MOXD1: variants seen among roughly 807,000 people sequenced by gnomAD.
The protein encoded by MOXD1 is DBH-like monooxygenase protein 1.
A neutral mutation model predicts 66.6 loss-of-function variants in MOXD1; 62 were observed. The observed-to-expected ratio is 0.93, with a 90% CI of 0.76 to 1.15. MOXD1 has a LOEUF of 1.15. Ranked by LOEUF, MOXD1 falls within the 50% of genes most tolerant of loss-of-function variation. MOXD1 has a pLI of 0.00. For missense variants in MOXD1, 847 were observed against 754.6 expected (o/e 1.12, Z -1.44); for synonymous variants, 303 against 281.9 (o/e 1.07, Z -0.75).
rs150516086 is a variant in MOXD1, at chr6:132,324,018, G to A, written c.1026C>T (p.Gly342=). Residue 342 remains glycine (G), a synonymous_variant, in exon 7 of 12, where the codon GGC becomes GGT. Coordinates refer to ENST00000367963, the MANE Select transcript of MOXD1 (RefSeq NM_015529.4). ...TGGTATGGAAGAGGCTCACCCAGAG[G>A]CCAGCCTCAATCACCCCAGCATCAT... ...RKYDAGVIEA[G]LWVSLFHTIP... 2 of 1,613,762 alleles carry A rather than the reference G, an allele frequency of 1.2e-6. No individual in the cohort carries two copies. The highest frequency in any genetic ancestry group is 1.3e-5 in the African/African-American group (1 of 74,860).
At chr6:132,354,752 T>A (rs988292346) in intron 4 of MOXD1, among the ~76,000 whole-genome samples, 2 of 151,658 alleles carry the variant, frequency 1.3e-5, no homozygotes, top group African/African-American at 4.8e-5. Flanking sequence ...GCTACCAGGG[T>A]GGGTAGGGAA....
chr6:132,357,009 G>A (rs574768641), intron 4 of MOXD1, among the ~76,000 whole-genome samples: 20 of 151,738 alleles, frequency 1.3e-4, no homozygotes, highest in Admixed American at 1.0e-3. Context: ...ACAAATACAC[G>A]TTAGAAAATA....
chr6:132,369,100 A>G (rs9375877), intron 4 of MOXD1, among the ~76,000 whole-genome samples: 42,344 of 151,918 alleles, frequency 0.28, 6,980 homozygotes, highest in East Asian at 0.67. Context: ...GAGCATAATG[A>G]ATAACGTAGG....
intron 1 of MOXD1, among the ~76,000 whole-genome samples, chr6:132,387,413 T>C (rs1776673417): frequency 6.6e-6 from 1 of 151,336 alleles, no homozygotes; most frequent in Non-Finnish European, 1.5e-5. Context: ...AGAATATCGC[T>C]ATCTTTTAAG....
At chr6:132,384,837 C>T (rs1406789561) in intron 1 of MOXD1, among the ~76,000 whole-genome samples, 1 of 152,134 alleles carries the variant, frequency 6.6e-6, no homozygotes, top group African/African-American at 2.4e-5. Context: ...ACTTACATGC[C>T]ATTGTAGGGA....
At chr6:132,302,995 A>C (rs530083068) in intron 10 of MOXD1, among the ~76,000 whole-genome samples, 1 of 152,256 alleles carries the variant, frequency 6.6e-6, no homozygotes, top group African/African-American at 2.4e-5. Flanking sequence ...ATCTATATGA[A>C]AAACAAAGAA....
intron 4 of MOXD1, among the ~76,000 whole-genome samples, chr6:132,352,012 T>G (rs1450210059): frequency 6.6e-6 from 1 of 152,198 alleles, no homozygotes; most frequent in Non-Finnish European, 1.5e-5. Context: ...TATTTGGATT[T>G]TCTCTCTTCT....
rs1305596903 is a variant in MOXD1, at chr6:132,328,595, C to A, written c.664-1G>T. The A allele has an allele frequency of 2.5e-6, 4 of 1,612,940 alleles. No individual in the cohort carries two copies. The highest frequency in any genetic ancestry group is 2.7e-5 in the African/African-American group (2 of 74,884). On this transcript the variant is annotated splice_acceptor_variant, in intron 4 of 11. Coordinates refer to ENST00000367963, the MANE Select transcript of MOXD1 (RefSeq NM_015529.4). LOFTEE classifies it high-confidence loss of function. ...GGCCTCTCTGTATCACTGGCTCAAC[C>A]TACACGAACATAAATGAGAGGGAGG...
intron 4 of MOXD1, among the ~76,000 whole-genome samples, chr6:132,332,366 A>G (rs1775339110): frequency 6.6e-6 from 1 of 152,178 alleles, no homozygotes; most frequent in Non-Finnish European, 1.5e-5. Context: ...CAAAATAGAA[A>G]GGATGTGAGC....
chr6:132,310,544 C>T (rs762019345), intron 10 of MOXD1, among the ~76,000 whole-genome samples: 3 of 152,132 alleles, frequency 2.0e-5, no homozygotes, highest in East Asian at 1.9e-4. Flanking sequence ...GACACATGCA[C>T]TTGTATGTTT....
intron 4 of MOXD1, among the ~76,000 whole-genome samples, chr6:132,344,239 G>C (rs929763914): frequency 6.6e-6 from 1 of 152,086 alleles, no homozygotes; most frequent in African/African-American, 2.4e-5. Context: ...TGGTTTCATT[G>C]CTTACTAACT....
Position 132,367,772 on chromosome 6 carries a change from C to A in MOXD1, c.663+4836G>T, listed in dbSNP as rs1776176547. Among the ~76,000 whole-genome samples, 6 of 152,060 alleles carry A rather than the reference C, an allele frequency of 3.9e-5. No homozygotes were observed. The South Asian group carries it at 1.2e-3, about 31-fold the overall frequency. On this transcript the variant is annotated intron_variant, in intron 4 of 11. Transcript: ENST00000367963. Reference sequence around the variant, plus strand: ...GCAATTCCATTAGGAGGCACCATTTCCATTTAAATGAAAATACTGAACTGT... The same window carrying A: ...GCAATTCCATTAGGAGGCACCATTTACATTTAAATGAAAATACTGAACTGT...
At chr6:132,320,479 A>T in intron 9 of MOXD1, 150 bp downstream of exon 9, 1 of 583,240 alleles carries the variant, frequency 1.7e-6, no homozygotes, top group Admixed American at 3.4e-5. Flanking sequence ...TGCTAAAAAC[A>T]TCTCTGATGT....
intron 1 of MOXD1, among the ~76,000 whole-genome samples, chr6:132,386,456 A>T (rs199873825): frequency 7.1e-6 from 1 of 140,782 alleles, no homozygotes; most frequent in African/African-American, 2.9e-5. Context: ...CAAAAAAAAA[A>T]CGGGAAAAGA....
At chr6:132,314,400 T>C (rs189881325) in intron 10 of MOXD1, among the ~76,000 whole-genome samples, 5 of 152,384 alleles carry the variant, frequency 3.3e-5, no homozygotes, top group Admixed American at 6.5e-5. Context: ...CCTAGAGTCC[T>C]TTCCCAGTAT....
At chr6:132,298,053 T>C in intron 10 of MOXD1, 98 bp from the exon 11 acceptor site, 1 of 1,032,390 alleles carries the variant, frequency 9.7e-7, no homozygotes, top group South Asian at 2.2e-5. Flanking sequence ...ACTTATTCAT[T>C]TTCATACACA....
In MOXD1 at chr6:132,328,063, G is replaced by A. The variant is rs374751992; in HGVS notation, c.896C>T (p.Pro299Leu). 170 of 1,613,832 alleles carry A rather than the reference G, an allele frequency of 1.1e-4. No homozygotes were observed. The highest frequency in any genetic ancestry group is 1.6e-4 in the Middle Eastern group (1 of 6,062). The change falls in exon 6 of 12, where the codon CCG becomes CTG. Residue 299 changes from proline (P) to leucine (L), a missense_variant. Physicochemically the swap from Pro to Leu is moderately conservative, Grantham distance 98 (BLOSUM62 -3). Coordinates refer to ENST00000367963, the MANE Select transcript of MOXD1 (RefSeq NM_015529.4). ...VGLSLGTPLD[P>L]HYVLLEVHYD... ...ATGGACTTCTAGGAGCACATAATGC[G>A]GATCTAATGGAGTGCCAAGGGATAA...
At chr6:132,373,469 C>G (rs1776310882) in intron 2 of MOXD1, among the ~76,000 whole-genome samples, 2 of 152,262 alleles carry the variant, frequency 1.3e-5, no homozygotes, top group South Asian at 4.1e-4. Context: ...TAGATGTTTT[C>G]CTAGGCACTA....
chr6:132,400,235 C>T (rs1776990670), intron 1 of MOXD1, among the ~76,000 whole-genome samples: 1 of 152,130 alleles, frequency 6.6e-6, no homozygotes, highest in Admixed American at 6.5e-5. Flanking sequence ...AATGCCAGAA[C>T]AATTCGGAGT....
Sources: gnomAD v4.1 joint callset for allele counts (sites outside exome capture counted in the v4.1 genomes callset) on GRCh38, gnomAD v4.1.1 for gene constraint, MANE v1.5 for transcripts, NCBI Gene and HGNC (gene_info 2026-07-23, HGNC 2026-07-21) for gene names.